The following KCNIP1 variants were observed in gnomAD, a reference collection of about 807,000 sequenced individuals.
The protein encoded by KCNIP1 is potassium voltage-gated channel interacting protein 1.
Under a neutral mutation model 33.0 loss-of-function variants are expected in KCNIP1, and 18 were observed. The observed-to-expected ratio is 0.55, with a 90% confidence interval of 0.38 to 0.81. KCNIP1 has a LOEUF of 0.81. Among genes scored for constraint, KCNIP1 ranks in the 30% least tolerant of loss-of-function variants. KCNIP1 has a pLI of 0.00. For missense variants in KCNIP1, 238 were observed against 271.6 expected, an observed-to-expected ratio of 0.88 and a Z score of 0.87; for synonymous variants, 93 against 98.3, an observed-to-expected ratio of 0.95 and a Z score of 0.32.
chr5:170,624,738 GGGAGAGGGGAGGGGA>G (rs1168169208), intron 1 of KCNIP1, among the ~76,000 whole-genome samples: 2 of 116,756 alleles, frequency 1.7e-5, no homozygotes, highest in Non-Finnish European at 3.6e-5. Flanking sequence ...GAGGTGGGGG[GGGAGAGGGGAGGGGA>G]GGAGAGGGGA....
At chr5:170,622,295 A>C (rs556065528) in intron 1 of KCNIP1, among the ~76,000 whole-genome samples, 1 of 152,112 alleles carries the variant, frequency 6.6e-6, no homozygotes, top group Non-Finnish European at 1.5e-5. Context: ...TTTGGGGTCT[A>C]TCCGAAATCC....
At chr5:170,522,577 C>T (rs55914543) in intron 1 of KCNIP1, among the ~76,000 whole-genome samples, 4,850 of 152,330 alleles carry the variant, frequency 0.032, 210 homozygotes, top group East Asian at 0.14. Flanking sequence ...CTTCCAAGCC[C>T]CCAAGGCTCA....
At chr5:170,439,416 C>G (rs1453156744) in intron 1 of KCNIP1, among the ~76,000 whole-genome samples, 1 of 152,298 alleles carries the variant, frequency 6.6e-6, no homozygotes, top group African/African-American at 2.4e-5. Flanking sequence ...CAGGCAGGTC[C>G]CCTCGACACA....
chr5:170,657,650 G>T (rs6871693), intron 1 of KCNIP1, among the ~76,000 whole-genome samples: 3 of 152,002 alleles, frequency 2.0e-5, no homozygotes, highest in Non-Finnish European at 2.9e-5. Flanking sequence ...CCTAAGATCT[G>T]CAACTGTTGA....
intron 1 of KCNIP1, among the ~76,000 whole-genome samples, chr5:170,603,470 G>A (rs547397513): frequency 6.6e-6 from 1 of 152,352 alleles, no homozygotes; most frequent in South Asian, 2.1e-4. Flanking sequence ...CTGGGAGCCA[G>A]GGACACAGTG....
At chr5:170,538,554 TTCC>T (rs1184706444) in intron 1 of KCNIP1, among the ~76,000 whole-genome samples, 4 of 151,882 alleles carry the variant, frequency 2.6e-5, no homozygotes, top group African/African-American at 9.7e-5. Context: ...CACACAGTTG[TTCC>T]TCCTCCTTCT....
chr5:170,724,629 T>C (rs1345475359), intron 5 of KCNIP1, among the ~76,000 whole-genome samples: 2 of 152,168 alleles, frequency 1.3e-5, no homozygotes, highest in African/African-American at 4.8e-5. Flanking sequence ...AAATAATAAG[T>C]GAATTTAACA....
At chr5:170,404,978 C>T (rs1207214192) in intron 1 of KCNIP1, among the ~76,000 whole-genome samples, 1 of 152,184 alleles carries the variant, frequency 6.6e-6, no homozygotes, top group Non-Finnish European at 1.5e-5. Flanking sequence ...GGTTCTCCAG[C>T]ACATAAATAA....
At chr5:170,430,302 G>T (rs977392462) in intron 1 of KCNIP1, among the ~76,000 whole-genome samples, 1 of 152,170 alleles carries the variant, frequency 6.6e-6, no homozygotes, top group Non-Finnish European at 1.5e-5. Flanking sequence ...TTATGGTCGG[G>T]GCCACATGAT....
intron 1 of KCNIP1, among the ~76,000 whole-genome samples, chr5:170,624,348 G>A (rs1244321739): frequency 6.6e-6 from 1 of 152,128 alleles, no homozygotes; most frequent in African/African-American, 2.4e-5. Flanking sequence ...AAGTGGAGGT[G>A]AGGAGGAAGG....
intron 1 of KCNIP1, among the ~76,000 whole-genome samples, chr5:170,491,280 T>C (rs1757201400): frequency 6.6e-6 from 1 of 152,136 alleles, no homozygotes. Flanking sequence ...GAAGAATGAA[T>C]GAAGAATGAA....
rs143229233 is a variant in KCNIP1, at chr5:170,451,171, G to A, written c.88+97207G>A. Among the ~76,000 whole-genome samples, 86 of 152,300 alleles carry A rather than the reference G, an allele frequency of 5.6e-4. No individual in the cohort carries two copies. In the East Asian group the frequency reaches 0.015, roughly 26 times the overall value. ...AGCAAGACAAAATCGAGAGCACTTC[G>A]TAGTCATGTCTAAACGCAGATAAAA... is the stretch of plus-strand genomic sequence containing the variant. On this transcript the variant is annotated intron_variant, in intron 1 of 7. Transcript: ENST00000377360.
chr5:170,593,848 C>A (rs116384324), intron 1 of KCNIP1, among the ~76,000 whole-genome samples: 1 of 152,120 alleles, frequency 6.6e-6, no homozygotes, highest in Non-Finnish European at 1.5e-5. Context: ...TGTTTGGGGG[C>A]CTTCCCTTCC....
At chr5:170,659,931 T>C (rs1347717794) in intron 1 of KCNIP1, among the ~76,000 whole-genome samples, 1 of 152,222 alleles carries the variant, frequency 6.6e-6, no homozygotes, top group East Asian at 1.9e-4. Context: ...AGGAGTAGAA[T>C]GATCACAAGA....
intron 1 of KCNIP1, among the ~76,000 whole-genome samples, chr5:170,508,753 C>T (rs1175505338): frequency 6.6e-6 from 1 of 152,208 alleles, no homozygotes; most frequent in Non-Finnish European, 1.5e-5. Flanking sequence ...ACCGACATTC[C>T]AAGACCTCAC....
At chr5:170,436,271 G>A (rs1312976671) in intron 1 of KCNIP1, among the ~76,000 whole-genome samples, 2 of 152,226 alleles carry the variant, frequency 1.3e-5, no homozygotes, top group African/African-American at 4.8e-5. Flanking sequence ...TTATTAATTT[G>A]CAGGAGAGAC....
At chr5:170,669,295 C>G (rs1173558383) in intron 1 of KCNIP1, among the ~76,000 whole-genome samples, 1 of 152,178 alleles carries the variant, frequency 6.6e-6, no homozygotes, top group East Asian at 1.9e-4. Flanking sequence ...CTCTCTGGAC[C>G]TCAGTTTTAC....
At chr5:170,603,773 T>G (rs1421873741) in intron 1 of KCNIP1, among the ~76,000 whole-genome samples, 1 of 152,168 alleles carries the variant, frequency 6.6e-6, no homozygotes, top group Non-Finnish European at 1.5e-5. Flanking sequence ...CAGCTGAGGC[T>G]GAGGACACAT....
chr5:170,453,754 T>C (rs933692988), intron 1 of KCNIP1, among the ~76,000 whole-genome samples: 41 of 152,316 alleles, frequency 2.7e-4, no homozygotes, highest in African/African-American at 9.4e-4. Context: ...TGACAAAGTA[T>C]GTAACCATGA....
Sources: allele counts gnomAD v4.1 joint callset (sites outside exome capture counted in the v4.1 genomes callset), GRCh38; gene constraint gnomAD v4.1.1; transcripts MANE v1.5; gene names NCBI Gene and HGNC (gene_info 2026-07-23, HGNC 2026-07-21).